GDF1: variants seen among roughly 807,000 people sequenced by gnomAD.
The protein encoded by GDF1 is embryonic growth/differentiation factor 1.
In GDF1, 8 loss-of-function variants were observed where a neutral mutation model predicts 7.4. That is an observed-to-expected ratio of 1.09 (90% confidence interval 0.64 to 1.96). The LOEUF (loss-of-function observed/expected upper bound fraction) is 1.96. Among genes scored for constraint, GDF1 ranks in the 30% most tolerant of loss-of-function variants. The probability of loss-of-function intolerance (pLI) is 0.00; values close to 1 mark genes in which losing one functional copy is unlikely to be tolerated. For missense variants in GDF1, 574 were observed against 551.5 expected (o/e 1.04, Z -0.41); for synonymous variants, 311 against 276.7 (o/e 1.12, Z -1.23).
At chr19:18,889,388 G>T (rs996183519) in intron 2 of GDF1, among the ~76,000 whole-genome samples, 1 of 152,036 alleles carries the variant, frequency 6.6e-6, no homozygotes, top group Non-Finnish European at 1.5e-5. Flanking sequence ...TAGGGGGGAA[G>T]TCCTGGCTTA....
chr19:18,886,242 C>CA (rs1340768781), intron 2 of GDF1, among the ~76,000 whole-genome samples: 1 of 150,122 alleles, frequency 6.7e-6, no homozygotes, highest in Admixed American at 6.6e-5. Context: ...GCTGTCTCTG[C>CA]AAAAAAATAT....
chr19:18,875,592 C>G (rs531101044), intron 6 of GDF1, among the ~76,000 whole-genome samples: 1 of 151,812 alleles, frequency 6.6e-6, no homozygotes, highest in Non-Finnish European at 1.5e-5. Flanking sequence ...AAACGGTAAT[C>G]CACCTGGAAT....
intron 6 of GDF1, among the ~76,000 whole-genome samples, chr19:18,873,274 G>C (rs953693945): frequency 6.6e-6 from 1 of 152,118 alleles, no homozygotes; most frequent in Non-Finnish European, 1.5e-5. Context: ...ATGGCACTCA[G>C]GGGAGCTGCG....
At position 18,870,017 on chromosome 19, in the gene GDF1, G is replaced by T; in HGVS notation, c.291C>A (p.Val97=). 2 of 1,596,872 alleles carry T rather than the reference G, an allele frequency of 1.3e-6. No individual in the cohort carries two copies. The highest frequency in any genetic ancestry group is 8.5e-7 in the Non-Finnish European group (1 of 1,173,762). The part of the protein sequence containing the change: ...LQPCHVEELG[V]AGNIVRHIPD... Reference sequence around the variant, plus strand: ...GGATGTGGCGCACGATGTTTCCGGCGACCCCCAGCTCCTCCACGTGGCACG... The same window carrying T: ...GGATGTGGCGCACGATGTTTCCGGCTACCCCCAGCTCCTCCACGTGGCACG... Residue 97 remains valine, a synonymous_variant, in exon 7 of 8, where the codon GTC becomes GTA. Coordinates refer to ENST00000247005, the MANE Select transcript of GDF1 (RefSeq NM_001492.6). The surrounding 1 kb of genome is among the most constrained non-coding windows in gnomAD (Gnocchi z 5.1).
At chr19:18,869,712 C>T (rs2055929275) in intron 7 of GDF1, among the ~76,000 whole-genome samples, 1 of 101,392 alleles carries the variant, frequency 9.9e-6, no homozygotes, top group Non-Finnish European at 1.8e-5. Flanking sequence ...TGCAGGAAGG[C>T]ATTAGTGTCA....
In GDF1 at chr19:18,869,248, C is replaced by A; in HGVS notation, c.468G>T (p.Ala156=). ...GCTCCCAGCCGCCCTCCGGGGCTGC[C>A]GCCGCCGCCGCCGCGAAACGCAGCT... ...RLELRFAAAA[A]AAPEGGWELS... is the part of the protein sequence containing the mutation. The change falls in exon 8 of 8, where the codon GCG becomes GCT. Residue 156 remains alanine, a synonymous_variant. Coordinates refer to ENST00000247005, the MANE Select transcript of GDF1 (RefSeq NM_001492.6). 7.3e-7 allele frequency: 1 copy of A among 1,361,324 alleles called. No individual in the cohort carries two copies. The highest frequency in any genetic ancestry group is 3.2e-5 in the East Asian group (1 of 30,992). The allele number at this position is 1,361,324 out of a possible 1,614,324, so 84.3% of individuals were successfully genotyped here.
At chr19:18,894,121 G>T (rs2056566086) in intron 1 of GDF1, among the ~76,000 whole-genome samples, 1 of 151,724 alleles carries the variant, frequency 6.6e-6, no homozygotes, top group Admixed American at 6.6e-5. Context: ...TGAAAGGGGA[G>T]GAGGGGCTGG....
rs554210150 is a variant in GDF1 at position 18,877,850 on chromosome 19, G to A, written c.-313+1080C>T. On this transcript the variant is annotated intron_variant, in intron 6 of 7. Coordinates refer to ENST00000247005, the MANE Select transcript of GDF1 (RefSeq NM_001492.6). Reference sequence around the variant, plus strand: ...GAGGCTCCTAACGCCGCATCTGCCAGAACCCATGTGACCCTCTGCCCCAAT... The same window carrying A: ...GAGGCTCCTAACGCCGCATCTGCCAAAACCCATGTGACCCTCTGCCCCAAT... The A allele has an allele frequency of 7.3e-4, 327 of 448,078 alleles. 1 individual carries two copies. Among genetic ancestry groups the A allele is most frequent in the African/African-American group, 6.8e-3 (316 of 46,500 alleles). 27.8% of individuals were successfully genotyped at this position (448,078 alleles called of 1,614,324 possible). A position where few individuals can be genotyped will look rare whatever the true frequency, so the allele number is the denominator to read the frequency against.
rs751311265 is a variant in GDF1, at chr19:18,868,638, G to A, written c.1078C>T (p.Gln360Ter). The change falls in exon 8 of 8, where the codon CAG becomes TAG. Residue 360 changes from glutamine to a stop codon, truncating the protein, a stop_gained. Transcript: ENST00000247005. LOFTEE classifies it high-confidence loss of function. ...FDNSDNVVLR[Q>*]YEDMVVDECG... ...TCGTCCACCACCATGTCCTCATACT[G>A]CCGCAGCACCACGTTGTCGCTGTTG... 4 of 1,574,462 alleles carry A rather than the reference G, an allele frequency of 2.5e-6. No individual in the cohort carries two copies. The highest frequency in any genetic ancestry group is 3.4e-6 in the Non-Finnish European group (4 of 1,160,278).
chr19:18,873,399 A>C (rs1330605139), intron 6 of GDF1, among the ~76,000 whole-genome samples: 2 of 151,976 alleles, frequency 1.3e-5, no homozygotes, highest in African/African-American at 4.8e-5. Context: ...GTGCAGAGTA[A>C]ATAAAGGGCT....
Position 18,880,370 on chromosome 19 carries a change from G to A in GDF1, c.-667C>T. The A allele has an allele frequency of 1.3e-6, 2 of 1,575,128 alleles. No individual in the cohort carries two copies. The highest frequency in any genetic ancestry group is 1.7e-6 in the Non-Finnish European group (2 of 1,160,386). ...GGACTTGAAGTAAATGTTGAGCTTG[G>A]TGAACTCAAGCTGCACGTCACTGAT... On this transcript the variant is annotated 5_prime_UTR_variant, in exon 4 of 8. Coordinates refer to ENST00000247005, the MANE Select transcript of GDF1 (RefSeq NM_001492.6).
chr19:18,879,620 C>T (rs1257063450), intron 4 of GDF1, among the ~76,000 whole-genome samples: 3 of 150,672 alleles, frequency 2.0e-5, no homozygotes, highest in East Asian at 4.0e-4. Flanking sequence ...CAGGCCTCAC[C>T]CACCTCGCCA....
At position 18,870,386 on chromosome 19, in the gene GDF1, T is replaced by C; in HGVS notation, c.-79A>G. The C allele has an allele frequency of 1.4e-6, 2 of 1,463,580 alleles. No individual in the cohort carries two copies. The highest frequency in any genetic ancestry group is 1.8e-6 in the Non-Finnish European group (2 of 1,088,912). 90.7% of individuals were successfully genotyped at this position (1,463,580 alleles called of 1,614,324 possible). On this transcript the variant is annotated 5_prime_UTR_variant, in exon 7 of 8. Transcript: ENST00000247005. The surrounding 1 kb of genome is among the most constrained non-coding windows in gnomAD (Gnocchi z 5.1). The stretch of plus-strand genomic sequence containing the variant: ...CAGTGGGCTGAGGGCGGGGCCGGTG[T>C]CCCCGGAGGGGCAGGGGTCCTGGGG...
intron 6 of GDF1, among the ~76,000 whole-genome samples, chr19:18,871,525 G>GCTAA (rs1421548554): frequency 2.6e-5 from 4 of 152,114 alleles, no homozygotes; most frequent in African/African-American, 9.7e-5. Context: ...CCTGGCCCCA[G>GCTAA]CTAACTTTTT....
At chr19:18,882,017 C>G (rs1469001298) in intron 3 of GDF1, 2 of 153,994 alleles carry the variant, frequency 1.3e-5, no homozygotes, top group Admixed American at 6.6e-5. Flanking sequence ...ACCATGTTGG[C>G]CAGGCTGTTC....
chr19:18,888,598 A>G (rs12972412), intron 2 of GDF1, among the ~76,000 whole-genome samples: 1 of 150,190 alleles, frequency 6.7e-6, no homozygotes, highest in East Asian at 2.0e-4. Flanking sequence ...TGGGAGGCCA[A>G]GGGAGGCAGA....
At position 18,884,109 on chromosome 19, in the gene GDF1, T is replaced by C; in HGVS notation, c.-755A>G. The C allele has an allele frequency of 6.2e-7, 1 of 1,612,944 alleles. No individual in the cohort carries two copies. The highest frequency in any genetic ancestry group is 1.3e-5 in the African/African-American group (1 of 74,970). ...TACCGGAAGGCGTAGGAGGAGACGATGAGGATGAGAGTGACCACGTGGTGG... is the reference window on the plus strand; with the variant it reads ...TACCGGAAGGCGTAGGAGGAGACGACGAGGATGAGAGTGACCACGTGGTGG... On this transcript the variant is annotated 5_prime_UTR_variant, in exon 3 of 8. Coordinates refer to ENST00000247005, the MANE Select transcript of GDF1 (RefSeq NM_001492.6).
chr19:18,879,548 C>T (rs1181863165), intron 4 of GDF1, among the ~76,000 whole-genome samples, 160 bp from the exon 5 acceptor site: 3 of 151,776 alleles, frequency 2.0e-5, no homozygotes, highest in Non-Finnish European at 4.4e-5. Context: ...CCTCCCCTGC[C>T]ATGCCCCGCC....
intron 1 of GDF1, among the ~76,000 whole-genome samples, chr19:18,894,423 A>G (rs1372996061): frequency 6.6e-6 from 1 of 152,106 alleles, no homozygotes; most frequent in Non-Finnish European, 1.5e-5. Flanking sequence ...TGCTGCCAAG[A>G]AGATCAGCTT....
Sources: allele counts gnomAD v4.1 joint callset (sites outside exome capture counted in the v4.1 genomes callset), GRCh38; gene constraint gnomAD v4.1.1; non-coding constraint Gnocchi (gnomAD v3.1); transcripts MANE v1.5; gene names NCBI Gene and HGNC (gene_info 2026-07-23, HGNC 2026-07-21).